DAB2IP: variants seen among roughly 807,000 people sequenced by gnomAD.
The protein encoded by DAB2IP is DAB2 interacting protein, also known as disabled homolog 2-interacting protein.
A neutral mutation model predicts 107.2 loss-of-function variants in DAB2IP; 28 were observed. The ratio of observed to expected loss-of-function variants is 0.26; its 90% CI spans 0.19 to 0.36. The LOEUF is 0.36. Ranked by LOEUF, DAB2IP falls within the 10% of genes least tolerant of loss-of-function variation. DAB2IP has a pLI of 1.00. For synonymous variants in DAB2IP, 755 were observed against 706.4 expected (o/e 1.07, Z -1.09); for missense variants, 1,400 against 1,644.7 (o/e 0.85, Z 2.57).
intron 6 of DAB2IP, 119 bp from the exon 7 acceptor site, chr9:121,763,386 G>A (rs1195730642): frequency 1.5e-5 from 21 of 1,395,194 alleles, no homozygotes; most frequent in Middle Eastern, 5.2e-4. Flanking sequence ...CGGGACCCCC[G>A]CAGCTTGGTG....
At chr9:121,741,866 T>C (rs1370698134) in intron 3 of DAB2IP, among the ~76,000 whole-genome samples, 4 of 151,192 alleles carry the variant, frequency 2.6e-5, no homozygotes, top group Admixed American at 6.6e-5. Flanking sequence ...GTAAATAATA[T>C]TATGTCCATT....
intron 1 of DAB2IP, among the ~76,000 whole-genome samples, chr9:121,570,010 G>A (rs946996814): frequency 3.9e-5 from 6 of 151,978 alleles, no homozygotes; most frequent in African/African-American, 7.3e-5. Context: ...GCCCAGGCTG[G>A]TCTAGAACTC....
At chr9:121,665,520 T>C (rs1421531407) in intron 1 of DAB2IP, among the ~76,000 whole-genome samples, 1 of 152,214 alleles carries the variant, frequency 6.6e-6, no homozygotes, top group Non-Finnish European at 1.5e-5. Context: ...TTAGAATTTA[T>C]ATACCCTAAA....
intron 1 of DAB2IP, among the ~76,000 whole-genome samples, chr9:121,654,306 A>G (rs1171297124): frequency 2.0e-5 from 3 of 152,070 alleles, no homozygotes; most frequent in African/African-American, 7.2e-5. Context: ...GGTGGGGAAG[A>G]GCAGGCAACA....
At chr9:121,765,059 G>A (rs1456257052) in intron 8 of DAB2IP, among the ~76,000 whole-genome samples, 2 of 152,200 alleles carry the variant, frequency 1.3e-5, no homozygotes, top group Non-Finnish European at 2.9e-5. Flanking sequence ...GGCTATACAA[G>A]GTGCTTGCCT....
At chr9:121,719,671 G>A (rs936566041) in intron 3 of DAB2IP, among the ~76,000 whole-genome samples, 2 of 152,218 alleles carry the variant, frequency 1.3e-5, no homozygotes, top group Admixed American at 1.3e-4. Flanking sequence ...CCAAGGATAA[G>A]CATCCCTTTG....
intron 1 of DAB2IP, among the ~76,000 whole-genome samples, chr9:121,628,836 C>G (rs1360091351): frequency 6.6e-6 from 1 of 152,202 alleles, no homozygotes; most frequent in Non-Finnish European, 1.5e-5. Context: ...AACCCTGACT[C>G]TGTTGTTACC....
chr9:121,608,622 G>A (rs887761521), intron 1 of DAB2IP, among the ~76,000 whole-genome samples: 1 of 152,166 alleles, frequency 6.6e-6, no homozygotes, highest in Non-Finnish European at 1.5e-5. Flanking sequence ...CTATGATAAG[G>A]ATAGTGAACA....
intron 3 of DAB2IP, among the ~76,000 whole-genome samples, chr9:121,743,428 TTTTG>T (rs1832490967): frequency 6.6e-6 from 1 of 152,130 alleles, no homozygotes; most frequent in African/African-American, 2.4e-5. Context: ...GAGTTTCGTT[TTTTG>T]TTTTTTTTTT....
intron 1 of DAB2IP, chr9:121,567,251 C>T: frequency 6.2e-7 from 1 of 1,613,934 alleles, no homozygotes; most frequent in Admixed American, 1.7e-5. Flanking sequence ...CAGCAAAGTG[C>T]AGAGTTGGGG....
chr9:121,770,468 G>C (rs1834634581), intron 10 of DAB2IP, 78 bp from the exon 11 acceptor site: 3 of 1,516,998 alleles, frequency 2.0e-6, no homozygotes, highest in Admixed American at 3.7e-5. Context: ...GTGGTTTTGA[G>C]CCATAGTGGC....
At chr9:121,777,115 A>G (rs1012668220) in intron 14 of DAB2IP, among the ~76,000 whole-genome samples, 1 of 152,256 alleles carries the variant, frequency 6.6e-6, no homozygotes, top group Admixed American at 6.5e-5. Context: ...AGGGAGTACA[A>G]TCAACCCCAG....
chr9:121,576,805 C>T (rs1385174340), intron 1 of DAB2IP, among the ~76,000 whole-genome samples: 1 of 152,116 alleles, frequency 6.6e-6, no homozygotes, highest in Non-Finnish European at 1.5e-5. Context: ...GAAGGGCCTG[C>T]AGGGCCATCC....
At chr9:121,602,934 T>G (rs7869336) in intron 1 of DAB2IP, among the ~76,000 whole-genome samples, 93,575 of 151,812 alleles carry the variant, frequency 0.62, 29,122 homozygotes, top group Middle Eastern at 0.63. Flanking sequence ...GGTCTTGATC[T>G]CCTAAGTTCC....
Position 121,679,789 on chromosome 9 carries a change from G to T in DAB2IP, c.228+1008G>T, listed in dbSNP as rs145759971. On this transcript the variant is annotated intron_variant, in intron 2 of 15. Coordinates refer to ENST00000408936, the Ensembl canonical transcript of DAB2IP. ...GCTATTCACAGTGGGTTGGGAGGGG[G>T]TCCCACGGGAGCTGGCTTTTGAGCT... Among the ~76,000 whole-genome samples the T allele has an allele frequency of 1.2e-4, 18 of 152,244 alleles. No homozygotes were observed. In the East Asian group the frequency reaches 3.1e-3, roughly 26 times the overall value.
At chr9:121,649,472 G>GC (rs2119054808), upstream of DAB2IP, among the ~76,000 whole-genome samples, 1 of 102,890 alleles carries the variant, frequency 9.7e-6, no homozygotes, top group Non-Finnish European at 2.5e-5. Context: ...ACTGATAACA[G>GC]TGAGTTGATT....
At chr9:121,631,887 A>G (rs1399281596) in intron 1 of DAB2IP, among the ~76,000 whole-genome samples, 1 of 150,710 alleles carries the variant, frequency 6.6e-6, no homozygotes, top group Non-Finnish European at 1.5e-5. Flanking sequence ...CAGGGCTTTC[A>G]GCAGGGAGCA....
At chr9:121,680,743 CTTTTTTTTTTT>C (rs78934765) in intron 2 of DAB2IP, among the ~76,000 whole-genome samples, 67,065 of 143,874 alleles carry the variant, frequency 0.47, 15,690 homozygotes, top group African/African-American at 0.59. Flanking sequence ...TTTTTTTTTT[CTTTTTTTTTTT>C]TTTTTTGAGA....
intron 3 of DAB2IP, among the ~76,000 whole-genome samples, chr9:121,739,966 G>A (rs573896203): frequency 2.6e-5 from 4 of 152,316 alleles, no homozygotes; most frequent in South Asian, 2.1e-4. Context: ...CTGGGTTCAC[G>A]GGGTAGTAAG....
Sources: gnomAD v4.1 joint callset for allele counts (sites outside exome capture counted in the v4.1 genomes callset) on GRCh38, gnomAD v4.1.1 for gene constraint, MANE v1.5 for transcripts, NCBI Gene and HGNC (gene_info 2026-07-23, HGNC 2026-07-21) for gene names.